The following RC3H1 variants were observed in gnomAD, a reference collection of about 807,000 sequenced individuals.
RC3H1 encodes the protein ring finger and CCCH-type domains 1, also known as roquin-1.
Under a neutral mutation model 138.2 loss-of-function variants are expected in RC3H1, and 50 were observed. That is an observed-to-expected ratio of 0.36 (90% confidence interval 0.29 to 0.46). The LOEUF is 0.46. Ranked by LOEUF, RC3H1 falls within the 20% of genes least tolerant of loss-of-function variation. RC3H1 has a pLI of 1.00. For missense variants in RC3H1, 1,031 were observed against 1,388.1 expected (o/e 0.74, Z 4.09); for synonymous variants, 462 against 489.1 (o/e 0.94, Z 0.73).
intron 14 of RC3H1, among the ~76,000 whole-genome samples, chr1:173,948,229 A>G (rs920445022): frequency 2.0e-5 from 3 of 152,166 alleles, no homozygotes; most frequent in African/African-American, 7.2e-5. Context: ...TCATAAGAGG[A>G]CCACTCAATT....
At chr1:173,992,699 C>CACAGAGAG in intron 2 of RC3H1, 56 bp downstream of exon 2, 1 of 745,714 alleles carries the variant, frequency 1.3e-6, no homozygotes, top group Admixed American at 2.6e-5. Context: ...CACACACACA[C>CACAGAGAG]AGAGAGAGAG....
At chr1:173,960,663 C>T (rs1212538315) in intron 13 of RC3H1, among the ~76,000 whole-genome samples, 1 of 152,066 alleles carries the variant, frequency 6.6e-6, no homozygotes, top group African/African-American at 2.4e-5. Flanking sequence ...TGAAAAATAA[C>T]AATACTAGAA....
At chr1:174,007,965 G>A (rs1033537728) in intron 1 of RC3H1, among the ~76,000 whole-genome samples, 1 of 152,104 alleles carries the variant, frequency 6.6e-6, no homozygotes, top group Non-Finnish European at 1.5e-5. Context: ...AAAAAAAGTA[G>A]ACAAAAATCT....
chr1:173,951,328 C>CG (rs921609260), intron 14 of RC3H1, among the ~76,000 whole-genome samples: 87 of 151,674 alleles, frequency 5.7e-4, no homozygotes, highest in African/African-American at 2.1e-3. Context: ...TCCATCCCCC[C>CG]CCCAAAAAAA....
intron 9 of RC3H1, chr1:173,969,437 A>G (rs2102962573): frequency 6.6e-6 from 1 of 151,938 alleles, no homozygotes; most frequent in African/African-American, 2.4e-5. Flanking sequence ...GCCCTTAGAC[A>G]TGGCATCTAT....
chr1:174,013,075 G>C (rs1661797195), intron 1 of RC3H1, among the ~76,000 whole-genome samples: 1 of 152,032 alleles, frequency 6.6e-6, no homozygotes, highest in African/African-American at 2.4e-5. Flanking sequence ...AGATGATGCT[G>C]TGATGGAAAA....
At chr1:173,973,829 T>A (rs1485931469) in intron 7 of RC3H1, among the ~76,000 whole-genome samples, 2 of 152,180 alleles carry the variant, frequency 1.3e-5, no homozygotes, top group Non-Finnish European at 2.9e-5. Flanking sequence ...AAACAAGTAT[T>A]CAAAAAAGTA....
intron 6 of RC3H1, 60 bp downstream of exon 6, chr1:173,980,749 T>G (rs1382420888): frequency 1.5e-6 from 2 of 1,309,448 alleles, no homozygotes; most frequent in Non-Finnish European, 2.2e-6. Flanking sequence ...ATACATTTGT[T>G]AAATGAATTA....
chr1:173,989,533 ACTTATCT>A (rs1406878455), intron 2 of RC3H1, among the ~76,000 whole-genome samples: 1 of 151,614 alleles, frequency 6.6e-6, no homozygotes, highest in Admixed American at 6.6e-5. Flanking sequence ...TTGATGTTCA[ACTTATCT>A]TTTTCTTTTG....
intron 1 of RC3H1, among the ~76,000 whole-genome samples, chr1:173,996,019 C>T (rs981240408): frequency 6.6e-6 from 1 of 152,054 alleles, no homozygotes; most frequent in African/African-American, 2.4e-5. Flanking sequence ...TTTGGGAGGT[C>T]GAGTTGGGCA....
chr1:173,963,809 A>C (rs1368668272), intron 11 of RC3H1, among the ~76,000 whole-genome samples, 164 bp downstream of exon 11: 4 of 152,158 alleles, frequency 2.6e-5, no homozygotes, highest in African/African-American at 7.2e-5. Context: ...TTTATTTCAT[A>C]GTATTTAGTT....
At position 173,931,678 on chromosome 1, in the gene RC3H1, C is replaced by A. The variant is rs973850007; in HGVS notation, c.*7043G>T. On this transcript the variant is annotated 3_prime_UTR_variant, in exon 20 of 20. Coordinates refer to ENST00000367696, the MANE Select transcript of RC3H1 (RefSeq NM_172071.4). ...AAAACGGTCTATTTCAAATAGGGTT[C>A]TTTTTCCTACTCCAAAAGAACTCTC... The A allele has an allele frequency of 6.6e-6, 1 of 152,096 alleles. No homozygotes were observed. Among genetic ancestry groups the A allele is most frequent in the Admixed American group, 6.5e-5 (1 of 15,268 alleles). The allele number at this position is 152,096 out of a possible 1,614,324, so 9.4% of individuals were successfully genotyped here.
chr1:173,931,635 CAG>C lies in RC3H1; in HGVS notation c.*7084_*7085del, dbSNP rs1434832333. The C allele has an allele frequency of 1.3e-5, 2 of 152,098 alleles. No individual in the cohort carries two copies. Among genetic ancestry groups the C allele is most frequent in the Non-Finnish European group, 2.9e-5 (2 of 68,004 alleles). 9.4% of individuals were successfully genotyped at this position (152,098 alleles called of 1,614,324 possible). A position where few individuals can be genotyped will look rare whatever the true frequency, so the allele number is the denominator to read the frequency against. On this transcript the variant is annotated 3_prime_UTR_variant, in exon 20 of 20. Coordinates refer to ENST00000367696, the MANE Select transcript of RC3H1 (RefSeq NM_172071.4). The stretch of plus-strand genomic sequence containing the variant: ...CTGCTTAAAAATCAGAAATATTAAA[CAG>C]ATTAAAAACAAGAGAAAAACGGTCT...
intron 1 of RC3H1, among the ~76,000 whole-genome samples, chr1:173,999,362 G>C (rs903711561): frequency 9.9e-5 from 14 of 141,204 alleles, no homozygotes; most frequent in African/African-American, 3.9e-4. Context: ...CCTGGGCAAT[G>C]AGAGCAAAAC....
At chr1:174,007,623 C>T (rs1331382767) in intron 1 of RC3H1, among the ~76,000 whole-genome samples, 2 of 151,946 alleles carry the variant, frequency 1.3e-5, no homozygotes, top group Admixed American at 6.6e-5. Flanking sequence ...GCCACCATGC[C>T]GGGCAACTTT....
rs191909193 is a variant in RC3H1, at chr1:173,959,565, G to A, written c.2370+1512C>T. Among the ~76,000 whole-genome samples, 408 of 152,170 alleles carry A rather than the reference G, an allele frequency of 2.7e-3. 5 individuals carry two copies. The highest frequency in any genetic ancestry group is 9.4e-3 in the African/African-American group (390 of 41,516). On this transcript the variant is annotated intron_variant, in intron 13 of 19. Transcript: ENST00000367696. ...ACGGGCAGATCACCTGAGGTCAAGA[G>A]ATCAAGACCATCTTGGCCAACATGG...
intron 6 of RC3H1, among the ~76,000 whole-genome samples, chr1:173,980,062 A>G (rs1371305147): frequency 6.7e-6 from 1 of 148,440 alleles, no homozygotes; most frequent in Non-Finnish European, 1.5e-5. Flanking sequence ...TTTTTTTGGT[A>G]GAGATGAGTG....
At chr1:174,015,452 G>A (rs970531245) in intron 1 of RC3H1, among the ~76,000 whole-genome samples, 11 of 151,088 alleles carry the variant, frequency 7.3e-5, no homozygotes, top group South Asian at 2.1e-4. Context: ...AACCTCCTCC[G>A]CCTCCTGGGT....
At chr1:173,939,576 C>T (rs1030629134) in intron 19 of RC3H1, among the ~76,000 whole-genome samples, 3 of 142,504 alleles carry the variant, frequency 2.1e-5, no homozygotes, top group Middle Eastern at 4.4e-3. Context: ...GTGGCTCATG[C>T]CTGTAATCCC....
Sources: gnomAD v4.1 joint callset for allele counts (sites outside exome capture counted in the v4.1 genomes callset) on GRCh38, gnomAD v4.1.1 for gene constraint, MANE v1.5 for transcripts, NCBI Gene and HGNC (gene_info 2026-07-23, HGNC 2026-07-21) for gene names.